The following RBFOX3 variants were observed in gnomAD, a reference collection of about 807,000 sequenced individuals.
RBFOX3 encodes RNA binding protein fox-1 homolog 3.
RBFOX3 carries 17 observed loss-of-function variants against 48.7 expected under a neutral mutation model. The observed-to-expected ratio is 0.35, with a 90% CI of 0.24 to 0.52. The LOEUF (loss-of-function observed/expected upper bound fraction) is 0.52. Among genes scored for constraint, RBFOX3 ranks in the 20% least tolerant of loss-of-function variants. RBFOX3 has a pLI of 0.94. For missense variants in RBFOX3, 382 were observed against 497.5 expected (o/e 0.77, Z 2.21); for synonymous variants, 212 against 209.5 (o/e 1.01, Z -0.10).
chr17:79,195,117 C>T lies in RBFOX3; in HGVS notation c.-34+40649G>A, dbSNP rs748879217. 8.5e-5 allele frequency among the ~76,000 whole-genome samples: 13 copies of T among 152,086 alleles called. No homozygotes were observed. Among genetic ancestry groups the T allele is most frequent in the East Asian group, 1.9e-4 (1 of 5,178 alleles). Reference sequence around the variant, plus strand: ...TAGCCTCTCAAGAAGAAGTGCAGGCCGGGTGCCGTGGCTGATGCCTGTAAT... The same window carrying T: ...TAGCCTCTCAAGAAGAAGTGCAGGCTGGGTGCCGTGGCTGATGCCTGTAAT... On this transcript the variant is annotated intron_variant, in intron 4 of 14. Coordinates refer to ENST00000693108, the MANE Select transcript of RBFOX3 (RefSeq NM_001350451.2). The surrounding 1 kb of genome is among the most constrained non-coding windows in gnomAD (Gnocchi z 5.3).
intron 2 of RBFOX3, among the ~76,000 whole-genome samples, chr17:79,320,530 C>T (rs1277680526): frequency 6.6e-6 from 1 of 152,190 alleles, no homozygotes; most frequent in Non-Finnish European, 1.5e-5. Flanking sequence ...CAGGGAAATC[C>T]GTATACCTGC....
intron 1 of RBFOX3, among the ~76,000 whole-genome samples, chr17:79,594,530 T>C (rs9330567): frequency 0.4 from 60,620 of 152,028 alleles, 13,241 homozygotes; most frequent in Middle Eastern, 0.51. Context: ...TAAATCCGGC[T>C]GTGCAGCCCG....
At chr17:79,132,213 G>A (rs1228223117) in intron 4 of RBFOX3, among the ~76,000 whole-genome samples, 1 of 143,788 alleles carries the variant, frequency 7.0e-6, no homozygotes, top group Non-Finnish European at 1.5e-5. Context: ...CTGGGGCTGA[G>A]GTCAGACTCA....
In RBFOX3 at chr17:79,094,465, T is replaced by C; in HGVS notation, c.1063A>G (p.Ser355Gly). 1 of 1,486,414 alleles carries C rather than the reference T, an allele frequency of 6.7e-7. No individual in the cohort carries two copies. The highest frequency in any genetic ancestry group is 8.9e-7 in the Non-Finnish European group (1 of 1,119,688). The allele number at this position is 1,486,414 out of a possible 1,614,324, so 92.1% of individuals were successfully genotyped here. A position where few individuals can be genotyped will look rare whatever the true frequency, so the allele number is the denominator to read the frequency against. The change falls in exon 14 of 15, where the codon AGC becomes GGC. Residue 355 changes from serine (S) to glycine (G), a missense_variant. This residue lies in a region of RBFOX3 where 215 missense variants were observed against 254.8 expected (regional missense o/e 0.84). Transcript: ENST00000693108. ...HHTIGPAATY[S>G]IGTM ...GGGCTCCTTACCATGGTTCCAATGC[T>C]GTAGGTCGCCGCGGGCCCGATGGTG...
intron 4 of RBFOX3, among the ~76,000 whole-genome samples, chr17:79,175,092 A>C (rs1255330394): frequency 6.6e-6 from 1 of 151,850 alleles, no homozygotes; most frequent in African/African-American, 2.4e-5. Flanking sequence ...CTCTTTAGTG[A>C]CACTCTATCT....
rs75613627 is a variant in RBFOX3 at position 79,350,818 on chromosome 17, G to C, written c.-174-42994C>G. Among the ~76,000 whole-genome samples, 1,464 of 152,308 alleles carry C rather than the reference G, an allele frequency of 9.6e-3. 24 individuals are homozygous for C. The highest frequency in any genetic ancestry group is 0.034 in the African/African-American group (1,416 of 41,566). ...TGAGCTGGCATGAATTGCGGGGAAA[G>C]AAGGTCTCTCTGAGCTCAGGCGCCC... is the stretch of plus-strand genomic sequence containing the variant. On this transcript the variant is annotated intron_variant, in intron 2 of 14. Coordinates refer to ENST00000693108, the MANE Select transcript of RBFOX3 (RefSeq NM_001350451.2).
chr17:79,484,699 C>G (rs797037649), intron 1 of RBFOX3, among the ~76,000 whole-genome samples: 1 of 152,046 alleles, frequency 6.6e-6, no homozygotes, highest in African/African-American at 2.4e-5. Context: ...AGAAAGCAGG[C>G]GGCAGGCTTC....
chr17:79,261,870 G>A lies in RBFOX3; in HGVS notation c.-73-26065C>T, dbSNP rs542080167. 3.3e-5 allele frequency among the ~76,000 whole-genome samples: 5 copies of A among 152,324 alleles called. No homozygotes were observed. The South Asian group carries it at 1.0e-3, about 32-fold the overall frequency. On this transcript the variant is annotated intron_variant, in intron 3 of 14. Transcript: ENST00000693108. ...CTGATGGAACCCGAAGAGGGGAGGG[G>A]AGGACTTCAGGTGCTCACGGCCGGC...
chr17:79,123,754 C>G (rs2036411039), intron 4 of RBFOX3, among the ~76,000 whole-genome samples: 1 of 152,200 alleles, frequency 6.6e-6, no homozygotes, highest in African/African-American at 2.4e-5. Flanking sequence ...TCCTATCGCA[C>G]CTGGCAGGCA....
At chr17:79,504,238 C>A (rs1350875275) in intron 1 of RBFOX3, among the ~76,000 whole-genome samples, 1 of 152,220 alleles carries the variant, frequency 6.6e-6, no homozygotes. Context: ...CAGGAGCCGC[C>A]GTAACAAAGC....
chr17:79,264,374 CT>C (rs34109756), intron 3 of RBFOX3, among the ~76,000 whole-genome samples: 56,382 of 147,022 alleles, frequency 0.38, 11,028 homozygotes, highest in East Asian at 0.54. Context: ...CCAAGCCTGG[CT>C]TTTTTTTTTT....
At position 79,252,216 on chromosome 17, in the gene RBFOX3, T is replaced by C. The variant is rs1024673357; in HGVS notation, c.-73-16411A>G. On this transcript the variant is annotated intron_variant, in intron 3 of 14. Transcript: ENST00000693108. The surrounding 1 kb of genome is among the most constrained non-coding windows in gnomAD (Gnocchi z 4.0). The stretch of plus-strand genomic sequence containing the variant: ...CCCTTTACTTTCTCCCCAGGCAACT[T>C]CAGAGGTCTGGCTTCAACCCGCACC... Among the ~76,000 whole-genome samples, 3 of 152,162 alleles carry C rather than the reference T, an allele frequency of 2.0e-5. No individual in the cohort carries two copies. Among genetic ancestry groups the C allele is most frequent in the African/African-American group, 7.2e-5 (3 of 41,442 alleles).
At chr17:79,663,343 T>A in the RBFOX3 span, among the ~76,000 whole-genome samples, 27 of 152,342 alleles carry the variant, frequency 1.8e-4, no homozygotes, top group Non-Finnish European at 1.5e-5. Flanking sequence ...TCTATTCGCC[T>A]TTTCATCAGA....
rs1167997833 is a variant in RBFOX3, at chr17:79,557,225, CAAAAAAAA to C, written c.-320+53593_-320+53600del. 8.6e-4 allele frequency among the ~76,000 whole-genome samples: 74 copies of C among 86,546 alleles called. No homozygotes were observed. The Middle Eastern group carries it at 0.037, about 43-fold the overall frequency. The allele number at this position is 86,546 out of a possible 152,430, so 56.8% of individuals were successfully genotyped here. A position where few individuals can be genotyped will look rare whatever the true frequency, so the allele number is the denominator to read the frequency against. On this transcript the variant is annotated intron_variant, in intron 1 of 14. Transcript: ENST00000693108. Reference sequence around the variant, plus strand: ...TGGGTGACAGAGTGAGACACTGTCTCAAAAAAAAAAAAAAAAAAAAAAAAGGAAAGGAA... The same window carrying C: ...TGGGTGACAGAGTGAGACACTGTCTCAAAAAAAAAAAAAAAAGGAAAGGAA...
At chr17:79,605,513 C>T (rs1177473695) in intron 1 of RBFOX3, among the ~76,000 whole-genome samples, 1 of 152,154 alleles carries the variant, frequency 6.6e-6, no homozygotes, top group East Asian at 1.9e-4. Context: ...CAGAGACCTG[C>T]GCATACAGAG....
At chr17:79,581,013 C>A (rs1251304072) in intron 1 of RBFOX3, among the ~76,000 whole-genome samples, 1 of 152,064 alleles carries the variant, frequency 6.6e-6, no homozygotes, top group African/African-American at 2.4e-5. Flanking sequence ...TTTGGGAGGC[C>A]GAGGCAGGCA....
chr17:79,493,151 GC>G (rs1409177881), intron 1 of RBFOX3, among the ~76,000 whole-genome samples: 1 of 152,008 alleles, frequency 6.6e-6, no homozygotes, highest in Non-Finnish European at 1.5e-5. Flanking sequence ...GTATCACACG[GC>G]AAGAGGGGAG....
At chr17:79,287,212 G>C (rs1187405099) in intron 3 of RBFOX3, among the ~76,000 whole-genome samples, 1 of 152,150 alleles carries the variant, frequency 6.6e-6, no homozygotes, top group Non-Finnish European at 1.5e-5. Flanking sequence ...CCCTCTGCTC[G>C]CTAAGGCGAA....
intron 2 of RBFOX3, among the ~76,000 whole-genome samples, chr17:79,330,065 A>G (rs1441097031): frequency 6.6e-6 from 1 of 152,214 alleles, no homozygotes; most frequent in Non-Finnish European, 1.5e-5. Context: ...GCTGGGCAGA[A>G]AAACTGACCA....
Sources: gnomAD v4.1 joint callset for allele counts (sites outside exome capture counted in the v4.1 genomes callset) on GRCh38, gnomAD v4.1.1 for gene constraint, gnomAD v4.1.1 regional missense constraint, Gnocchi (gnomAD v3.1) non-coding constraint, MANE v1.5 for transcripts, NCBI Gene and HGNC (gene_info 2026-07-23, HGNC 2026-07-21) for gene names.